Variants in MACROD2 observed in about 807,000 individuals in gnomAD.
MACROD2 encodes mono-ADP ribosylhydrolase 2, also known as ADP-ribose glycohydrolase MACROD2.
A neutral mutation model predicts 70.4 loss-of-function variants in MACROD2; 36 were observed. That is an observed-to-expected ratio of 0.51 (90% CI 0.39 to 0.68). The LOEUF (loss-of-function observed/expected upper bound fraction) is 0.68, where lower values mean the gene tolerates loss of function less well. Among genes scored for constraint, MACROD2 ranks in the 30% least tolerant of loss-of-function variants. The probability of loss-of-function intolerance (pLI) is 0.00; values close to 1 mark genes in which losing one functional copy is unlikely to be tolerated. For synonymous variants in MACROD2, 172 were observed against 178.8 expected, an observed-to-expected ratio of 0.96 and a Z score of 0.30; for missense variants, 496 against 538.4, an observed-to-expected ratio of 0.92 and a Z score of 0.78.
chr20:15,521,984 G>C (rs748900356), intron 8 of MACROD2, among the ~76,000 whole-genome samples: 1 of 152,152 alleles, frequency 6.6e-6, no homozygotes, highest in African/African-American at 2.4e-5. Flanking sequence ...GGGGTCAGCA[G>C]GTTTATTAAC....
At chr20:14,965,118 C>T (rs1167744114) in intron 5 of MACROD2, among the ~76,000 whole-genome samples, 1 of 152,102 alleles carries the variant, frequency 6.6e-6, no homozygotes, top group African/African-American at 2.4e-5. Context: ...TCAGCAGATA[C>T]TTGCTTTTAA....
At chr20:16,031,486 GA>G (rs375881337) in intron 15 of MACROD2, among the ~76,000 whole-genome samples, 139 of 152,152 alleles carry the variant, frequency 9.1e-4, no homozygotes, top group African/African-American at 3.0e-3. Flanking sequence ...TCATCCTTGG[GA>G]AATATTTACA....
intron 8 of MACROD2, among the ~76,000 whole-genome samples, chr20:15,847,838 T>A (rs531397144): frequency 1.6e-4 from 24 of 152,304 alleles, no homozygotes; most frequent in African/African-American, 5.8e-4. Flanking sequence ...TATGTTTTTG[T>A]TTTTATTTGG....
At chr20:14,700,787 A>G (rs1033501742) in intron 5 of MACROD2, among the ~76,000 whole-genome samples, 1 of 152,164 alleles carries the variant, frequency 6.6e-6, no homozygotes, top group Non-Finnish European at 1.5e-5. Flanking sequence ...TACATACCAA[A>G]CATAGGCATT....
chr20:15,106,204 C>A (rs998858553), intron 5 of MACROD2, among the ~76,000 whole-genome samples: 6 of 152,136 alleles, frequency 3.9e-5, no homozygotes, highest in African/African-American at 1.4e-4. Context: ...CACTGTCTTG[C>A]CAAACACAAC....
At chr20:14,157,728 T>C (rs2148715199) in intron 3 of MACROD2, among the ~76,000 whole-genome samples, 1 of 152,274 alleles carries the variant, frequency 6.6e-6, no homozygotes, top group Non-Finnish European at 1.5e-5. Context: ...TGACCTCCTC[T>C]TCAATCCATG....
At chr20:14,300,039 C>T (rs970809638) in intron 3 of MACROD2, among the ~76,000 whole-genome samples, 3 of 152,108 alleles carry the variant, frequency 2.0e-5, no homozygotes, top group Admixed American at 6.6e-5. Flanking sequence ...CTTTTCCCCA[C>T]CCCCATCCAT....
chr20:15,254,170 C>T (rs1008321597), intron 6 of MACROD2, among the ~76,000 whole-genome samples: 1 of 152,132 alleles, frequency 6.6e-6, no homozygotes, highest in Non-Finnish European at 1.5e-5. Context: ...TCCATTTATG[C>T]CATTTATCTC....
At chr20:15,396,075 G>A (rs906334847) in intron 6 of MACROD2, among the ~76,000 whole-genome samples, 1 of 152,190 alleles carries the variant, frequency 6.6e-6, no homozygotes, top group Non-Finnish European at 1.5e-5. Context: ...CATATTAAAA[G>A]AGGATATTTT....
At chr20:15,109,254 G>A (rs961420794) in intron 5 of MACROD2, among the ~76,000 whole-genome samples, 2 of 152,202 alleles carry the variant, frequency 1.3e-5, no homozygotes, top group Non-Finnish European at 2.9e-5. Flanking sequence ...ATTCCTGGAT[G>A]TTCACCGTGA....
At chr20:14,661,006 A>G (rs997987613) in intron 4 of MACROD2, among the ~76,000 whole-genome samples, 2 of 152,028 alleles carry the variant, frequency 1.3e-5, no homozygotes, top group Non-Finnish European at 2.9e-5. Flanking sequence ...GTGCTGGGGT[A>G]AAAATACAAG....
At chr20:14,858,427 A>G (rs1389131593) in intron 5 of MACROD2, among the ~76,000 whole-genome samples, 1 of 152,150 alleles carries the variant, frequency 6.6e-6, no homozygotes, top group Non-Finnish European at 1.5e-5. Context: ...AAATCTCAAA[A>G]CTTACTGTGT....
intron 8 of MACROD2, among the ~76,000 whole-genome samples, chr20:15,623,402 C>T (rs2146734526): frequency 6.6e-6 from 1 of 152,264 alleles, no homozygotes; most frequent in East Asian, 1.9e-4. Flanking sequence ...ACTGTAATGT[C>T]TTTTCTGGGA....
chr20:14,085,665 GA>G lies in MACROD2; in HGVS notation c.213del (p.Val72PhefsTer11). The G allele has an allele frequency of 6.3e-7, 1 of 1,581,428 alleles. No individual in the cohort carries two copies. The highest frequency in any genetic ancestry group is 1.3e-5 in the African/African-American group (1 of 74,216). On this transcript the variant is annotated frameshift_variant, in exon 3 of 18. Coordinates refer to ENST00000684519, the MANE Select transcript of MACROD2 (RefSeq NM_001351661.2). LOFTEE classifies it high-confidence loss of function. ...ETSQVKKSLT[E>X]KVSLYRGDIT... is the part of the protein sequence containing the mutation. ...ATCCCAGGTGAAGAAAAGTTTGACT[GA>G]AAAAGTTTCTCTCTATAGAGGTGAC...
At chr20:15,608,121 A>G (rs1368594459) in intron 8 of MACROD2, among the ~76,000 whole-genome samples, 1 of 152,230 alleles carries the variant, frequency 6.6e-6, no homozygotes, top group Non-Finnish European at 1.5e-5. Flanking sequence ...ATATTCTTTA[A>G]CTTTGTAGAT....
chr20:14,414,917 C>T (rs1272596830), intron 3 of MACROD2, among the ~76,000 whole-genome samples: 1 of 142,780 alleles, frequency 7.0e-6, no homozygotes, highest in Non-Finnish European at 1.5e-5. Flanking sequence ...ATCACTTTCT[C>T]ACCTGCTTTA....
rs201765515 is a variant in MACROD2, at chr20:15,732,763, C to T, written c.646-129982C>T. ...AGAAATAGTGGTGTGTAGTTTTCCT[C>T]TTTTTTTTTTCTGGGTTTGATATTA... On this transcript the variant is annotated intron_variant, in intron 8 of 17. Transcript: ENST00000684519. Among the ~76,000 whole-genome samples, 812 of 147,840 alleles carry T rather than the reference C, an allele frequency of 5.5e-3. 9 individuals carry two copies. Among genetic ancestry groups the T allele is most frequent in the African/African-American group, 0.019 (770 of 40,670 alleles).
At chr20:14,129,872 C>T (rs184322637) in intron 3 of MACROD2, among the ~76,000 whole-genome samples, 98 of 152,280 alleles carry the variant, frequency 6.4e-4, no homozygotes, top group African/African-American at 2.3e-3. Context: ...TGTTTTTAGA[C>T]ATAATGTCAT....
At chr20:15,392,423 T>G (rs2045805101) in intron 6 of MACROD2, among the ~76,000 whole-genome samples, 2 of 152,210 alleles carry the variant, frequency 1.3e-5, no homozygotes, top group South Asian at 2.1e-4. Context: ...TTATTTTAAT[T>G]TTTATGATGG....
Sources: gnomAD v4.1 joint callset for allele counts (sites outside exome capture counted in the v4.1 genomes callset) on GRCh38, gnomAD v4.1.1 for gene constraint, MANE v1.5 for transcripts, NCBI Gene and HGNC (gene_info 2026-07-23, HGNC 2026-07-21) for gene names.